The following BTBD1 variants were observed in gnomAD, a reference collection of about 807,000 sequenced individuals.
The protein encoded by BTBD1 is BTB domain containing 1, also known as BTB/POZ domain-containing protein 1.
Under a neutral mutation model 48.0 loss-of-function variants are expected in BTBD1, and 34 were observed. The observed-to-expected ratio is 0.71, with a 90% CI of 0.54 to 0.94. BTBD1 has a LOEUF of 0.94. Among genes scored for constraint, BTBD1 ranks in the 40% least tolerant of loss-of-function variants. The probability of loss-of-function intolerance (pLI) is 0.00; values close to 1 mark genes in which losing one functional copy is unlikely to be tolerated. For missense variants in BTBD1, 543 were observed against 625.6 expected, an observed-to-expected ratio of 0.87 and a Z score of 1.41; for synonymous variants, 261 against 242.1, an observed-to-expected ratio of 1.08 and a Z score of -0.72.
At chr15:83,027,959 A>C (rs1029822717) in intron 5 of BTBD1, among the ~76,000 whole-genome samples, 1 of 152,216 alleles carries the variant, frequency 6.6e-6, no homozygotes. Flanking sequence ...TATCAATTAC[A>C]TTTATTCCCC....
chr15:83,062,042 C>A (rs1003596702), intron 1 of BTBD1, among the ~76,000 whole-genome samples: 3 of 151,960 alleles, frequency 2.0e-5, no homozygotes, highest in African/African-American at 7.3e-5. Flanking sequence ...GGTAAGGAGG[C>A]CTTAGAAGCA....
intron 7 of BTBD1, 108 bp downstream of exon 7, chr15:83,018,599 T>TC: frequency 1.6e-6 from 2 of 1,261,816 alleles, no homozygotes; most frequent in Non-Finnish European, 2.2e-6. Flanking sequence ...CAGCTTCTTT[T>TC]CCCCCCTCTT....
intron 1 of BTBD1, 101 bp from the exon 2 acceptor site, chr15:83,056,646 T>C: frequency 9.4e-7 from 1 of 1,063,356 alleles, no homozygotes; most frequent in South Asian, 1.6e-5. Flanking sequence ...ATATTTTTAT[T>C]TTATGTTTTC....
At position 83,051,877 on chromosome 15, in the gene BTBD1, T is replaced by TATACACACACACACACACAC. The variant is rs1555441191; in HGVS notation, c.559-1700_559-1699insGTGTGTGTGTGTGTGTGTAT. ...TTTATTAATTTTTTTTCCATATATATACACACACACACACACACACACACA... is the reference window on the plus strand; with the variant it reads ...TTTATTAATTTTTTTTCCATATATATATACACACACACACACACACACACACACACACACACACACACACA... On this transcript the variant is annotated intron_variant, in intron 2 of 7. Coordinates refer to ENST00000261721, the MANE Select transcript of BTBD1 (RefSeq NM_025238.4). Among the ~76,000 whole-genome samples the TATACACACACACACACACAC allele has an allele frequency of 7.5e-3, 1,042 of 138,872 alleles. 5 individuals carry two copies. The highest frequency in any genetic ancestry group is 0.011 in the Middle Eastern group (3 of 270). The allele number at this position is 138,872 out of a possible 152,430, so 91.1% of individuals were successfully genotyped here.
chr15:83,044,554 A>T (rs1239951056), intron 3 of BTBD1: 1 of 1,592,922 alleles, frequency 6.3e-7, no homozygotes. Flanking sequence ...TTGAAAACAC[A>T]GTTTTCTTGT....
chr15:83,063,723 CCTAT>C (rs1469046439), intron 1 of BTBD1, among the ~76,000 whole-genome samples: 3 of 152,186 alleles, frequency 2.0e-5, no homozygotes, highest in Non-Finnish European at 2.9e-5. Flanking sequence ...TCCTGTCTGG[CCTAT>C]CTTTTTGACC....
intron 3 of BTBD1, among the ~76,000 whole-genome samples, chr15:83,042,924 G>A (rs562590187): frequency 6.6e-6 from 1 of 152,096 alleles, no homozygotes; most frequent in Non-Finnish European, 1.5e-5. Context: ...AGCATGGCTT[G>A]AGCCCAGGAG....
Position 83,018,215 on chromosome 15 carries a change from G to A in BTBD1, c.1301C>T (p.Ser434Phe). 3.8e-6 allele frequency: 6 copies of A among 1,588,756 alleles called. No homozygotes were observed. Among genetic ancestry groups the A allele is most frequent in the Non-Finnish European group, 5.1e-6 (6 of 1,168,524 alleles). ...TACATLKGPD[S>F]HYGTKGLKKV... The stretch of plus-strand genomic sequence containing the variant: ...CTTCAATCCTTTTGTGCCATAGTGG[G>A]AATCTGGACCCTAAATGAGAACAAA... The change falls in exon 8 of 8, where the codon TCC becomes TTC. Residue 434 changes from serine (S) to phenylalanine (F), a missense_variant. Ser to Phe is a radical substitution (Grantham distance 155). Around this residue, in one of 3 missense-constraint regions of BTBD1, gnomAD observed 300 missense variants for 350.0 expected, o/e 0.86. Transcript: ENST00000261721.
At chr15:83,033,844 C>T (rs1445575195) in intron 4 of BTBD1, among the ~76,000 whole-genome samples, 4 of 152,012 alleles carry the variant, frequency 2.6e-5, no homozygotes, top group Non-Finnish European at 4.4e-5. Context: ...TCCCAAAGTG[C>T]TGGGACTAAA....
intron 1 of BTBD1, chr15:83,061,934 C>T (rs1596445647): frequency 6.6e-6 from 1 of 152,258 alleles, no homozygotes; most frequent in East Asian, 1.9e-4. Context: ...GCAATTTTGC[C>T]TGTGGGTGGA....
At chr15:83,063,013 T>C (rs2033200696) in intron 1 of BTBD1, among the ~76,000 whole-genome samples, 1 of 152,202 alleles carries the variant, frequency 6.6e-6, no homozygotes, top group Non-Finnish European at 1.5e-5. Flanking sequence ...AAAGTCTTCA[T>C]TATACCTGAC....
At chr15:83,044,729 G>A (rs946578230) in intron 3 of BTBD1, 1 of 1,472,740 alleles carries the variant, frequency 6.8e-7, no homozygotes, top group Non-Finnish European at 9.4e-7. Context: ...ACTGTGTCAT[G>A]AACAATGTCG....
At chr15:83,057,431 C>T (rs1458587537) in intron 1 of BTBD1, among the ~76,000 whole-genome samples, 8 of 152,084 alleles carry the variant, frequency 5.3e-5, no homozygotes, top group East Asian at 1.9e-4. Flanking sequence ...TTTTGAATAA[C>T]GCCTGACAAA....
Position 83,018,168 on chromosome 15 carries a change from C to T in BTBD1, c.1348G>A (p.Ala450Thr), listed in dbSNP as rs1855685103. 1 of 1,612,696 alleles carries T rather than the reference C, an allele frequency of 6.2e-7. No individual in the cohort carries two copies. Among genetic ancestry groups the T allele is most frequent in the Non-Finnish European group, 8.5e-7 (1 of 1,179,360 alleles). Residue 450 changes from alanine (A) to threonine (T), a missense_variant, in exon 8 of 8, where the codon GCT (alanine) becomes ACT (threonine). This residue lies in a region of BTBD1 where 300 missense variants were observed against 350.0 expected (regional missense o/e 0.86). Coordinates refer to ENST00000261721, the MANE Select transcript of BTBD1 (RefSeq NM_025238.4). ...GLKKVVHETP[A>T]ASKTVFFFFS... ...AAGAAAAAAACAGTCTTGCTTGCAG[C>T]AGGTGTCTCATGCACTACTTTCTTC... is the stretch of plus-strand genomic sequence containing the variant.
At chr15:83,039,978 G>T (rs180889068) in intron 4 of BTBD1, among the ~76,000 whole-genome samples, 110 of 138,628 alleles carry the variant, frequency 7.9e-4, no homozygotes, top group Admixed American at 1.9e-3. Context: ...ACTGGGTAGA[G>T]AATGTGACAC....
chr15:83,064,195 T>A (rs908333066), intron 1 of BTBD1, among the ~76,000 whole-genome samples: 4 of 152,210 alleles, frequency 2.6e-5, no homozygotes, highest in African/African-American at 9.7e-5. Context: ...TCTTCCAACT[T>A]AGCAAGTACT....
chr15:83,058,564 G>A (rs572931106), intron 1 of BTBD1, among the ~76,000 whole-genome samples: 16 of 151,898 alleles, frequency 1.1e-4, no homozygotes, highest in African/African-American at 3.9e-4. Flanking sequence ...AGCGGAGATC[G>A]CAACACTGCA....
At chr15:83,036,226 T>A (rs1394168358) in intron 4 of BTBD1, among the ~76,000 whole-genome samples, 1 of 146,614 alleles carries the variant, frequency 6.8e-6, no homozygotes, top group Non-Finnish European at 1.5e-5. Context: ...AACCCAAATA[T>A]ATCTGTAATT....
intron 3 of BTBD1, among the ~76,000 whole-genome samples, chr15:83,042,614 C>A (rs1284742134): frequency 1.3e-5 from 2 of 151,934 alleles, no homozygotes; most frequent in Non-Finnish European, 2.9e-5. Flanking sequence ...AAACTTCCGA[C>A]CTGAAGTGAT....
Sources: gnomAD v4.1 joint callset for allele counts (sites outside exome capture counted in the v4.1 genomes callset) on GRCh38, gnomAD v4.1.1 for gene constraint, gnomAD v4.1.1 regional missense constraint, MANE v1.5 for transcripts, NCBI Gene and HGNC (gene_info 2026-07-23, HGNC 2026-07-21) for gene names.